The following PPM1L variants were observed in gnomAD, a reference collection of about 807,000 sequenced individuals.
PPM1L encodes protein phosphatase, Mg2+/Mn2+ dependent 1L.
A neutral mutation model predicts 31.4 loss-of-function variants in PPM1L; 13 were observed. That is an observed-to-expected ratio of 0.41 (90% CI 0.27 to 0.66). PPM1L has a LOEUF of 0.66. Among genes scored for constraint, PPM1L ranks in the 30% least tolerant of loss-of-function variants. PPM1L has a pLI of 0.29. For synonymous variants in PPM1L, 184 were observed against 175.4 expected, an observed-to-expected ratio of 1.05 and a Z score of -0.39; for missense variants, 326 against 453.7, an observed-to-expected ratio of 0.72 and a Z score of 2.56.
chr3:161,026,772 C>A (rs902233615), intron 2 of PPM1L, among the ~76,000 whole-genome samples: 1 of 151,852 alleles, frequency 6.6e-6, no homozygotes, highest in Non-Finnish European at 1.5e-5. Context: ...ATGTACTTGC[C>A]AAACTGGTTT....
intron 1 of PPM1L, among the ~76,000 whole-genome samples, chr3:160,903,676 G>T (rs1391971450): frequency 6.6e-6 from 1 of 151,722 alleles, no homozygotes; most frequent in Non-Finnish European, 1.5e-5. Context: ...AACATCTCTT[G>T]AGGATCTACC....
At chr3:160,808,383 C>CTGTGTGTGTGTGTGTG (rs71912617) in intron 1 of PPM1L, among the ~76,000 whole-genome samples, 5 of 110,310 alleles carry the variant, frequency 4.5e-5, no homozygotes, top group South Asian at 3.2e-4. Flanking sequence ...CAGGATTTTC[C>CTGTGTGTGTGTGTGTG]TGTGTGTGTG....
intron 2 of PPM1L, among the ~76,000 whole-genome samples, chr3:161,011,376 A>C (rs1377557809): frequency 6.6e-6 from 1 of 152,144 alleles, no homozygotes; most frequent in Non-Finnish European, 1.5e-5. Context: ...ATTGGTCTAT[A>C]TCTCTCTTTT....
intron 1 of PPM1L, among the ~76,000 whole-genome samples, chr3:160,770,581 T>C (rs1401301662): frequency 6.6e-6 from 1 of 152,224 alleles, no homozygotes; most frequent in Non-Finnish European, 1.5e-5. Context: ...ACAAATACTG[T>C]AGTTTTTTCT....
chr3:160,869,485 T>C (rs1712222296), intron 1 of PPM1L, among the ~76,000 whole-genome samples: 1 of 152,150 alleles, frequency 6.6e-6, no homozygotes, highest in South Asian at 2.1e-4. Flanking sequence ...TATAACCTTA[T>C]GTTAGGCATA....
intron 1 of PPM1L, among the ~76,000 whole-genome samples, chr3:160,858,516 G>A (rs1246560569): frequency 6.6e-6 from 1 of 152,134 alleles, no homozygotes; most frequent in Non-Finnish European, 1.5e-5. Flanking sequence ...CAAAGCAAAA[G>A]TTATTCACTT....
At chr3:161,009,654 A>G (rs1325176391) in intron 2 of PPM1L, among the ~76,000 whole-genome samples, 2 of 152,186 alleles carry the variant, frequency 1.3e-5, no homozygotes, top group African/African-American at 4.8e-5. Context: ...CTGGCTACAA[A>G]TTACTCTTAA....
At chr3:160,791,490 T>C (rs1712103527) in intron 1 of PPM1L, among the ~76,000 whole-genome samples, 1 of 152,178 alleles carries the variant, frequency 6.6e-6, no homozygotes. Context: ...TGCATAATTT[T>C]CTTTAAATCT....
chr3:160,902,427 A>C (rs1039988184), intron 1 of PPM1L, among the ~76,000 whole-genome samples: 4 of 152,116 alleles, frequency 2.6e-5, no homozygotes, highest in Non-Finnish European at 5.9e-5. Context: ...ACTCTCACAG[A>C]AAATTCAGAG....
chr3:160,933,840 A>G (rs1576723627), intron 1 of PPM1L, among the ~76,000 whole-genome samples: 2 of 152,318 alleles, frequency 1.3e-5, no homozygotes, highest in South Asian at 2.1e-4. Flanking sequence ...ATTTTGATAC[A>G]TAGCTTTGTA....
rs189738232 is a variant in PPM1L at position 161,039,888 on chromosome 3, C to T, written c.575-25515C>T. 1.5e-4 allele frequency among the ~76,000 whole-genome samples: 23 copies of T among 152,290 alleles called. No homozygotes were observed. The East Asian group carries it at 3.7e-3, about 24-fold the overall frequency. Reference sequence around the variant, plus strand: ...ATTTAGATAGAAAGCATTGAAAGAACCTGCTTCCCATCTGCTGATCAAACT... The same window carrying T: ...ATTTAGATAGAAAGCATTGAAAGAATCTGCTTCCCATCTGCTGATCAAACT... On this transcript the variant is annotated intron_variant, in intron 2 of 3. Coordinates refer to ENST00000498165, the MANE Select transcript of PPM1L (RefSeq NM_139245.4).
chr3:160,812,456 C>A (rs544716797), intron 1 of PPM1L, among the ~76,000 whole-genome samples: 101 of 152,120 alleles, frequency 6.6e-4, no homozygotes, highest in Non-Finnish European at 7.4e-4. Flanking sequence ...GGGCTGAGAA[C>A]GTCTAGGTAC....
chr3:161,025,194 A>G (rs111300725), intron 2 of PPM1L, among the ~76,000 whole-genome samples: 3,810 of 152,244 alleles, frequency 0.025, 84 homozygotes, highest in South Asian at 0.044. Context: ...GTGTGACAGT[A>G]TCAAGAGGTG....
chr3:160,858,597 A>G (rs897750311), intron 1 of PPM1L, among the ~76,000 whole-genome samples: 3 of 152,148 alleles, frequency 2.0e-5, no homozygotes, highest in Non-Finnish European at 4.4e-5. Flanking sequence ...ATGGGACTAC[A>G]TTACCCTCAA....
intron 1 of PPM1L, among the ~76,000 whole-genome samples, chr3:160,936,010 G>T (rs76122566): frequency 0.029 from 4,460 of 152,292 alleles, 111 homozygotes; most frequent in South Asian, 0.12. Context: ...GGTCAAGGGT[G>T]TGGAAGAGCT....
intron 2 of PPM1L, among the ~76,000 whole-genome samples, chr3:160,973,856 T>A (rs1026546841): frequency 6.6e-6 from 1 of 150,626 alleles, no homozygotes; most frequent in South Asian, 2.1e-4. Flanking sequence ...GTTTTTCTTT[T>A]TTTTTCTAAT....
chr3:161,050,673 T>C (rs1340354537), intron 2 of PPM1L, among the ~76,000 whole-genome samples: 1 of 152,160 alleles, frequency 6.6e-6, no homozygotes, highest in Non-Finnish European at 1.5e-5. Context: ...CTCATGACAA[T>C]ATATATTCTT....
chr3:161,038,603 A>AAG (rs1465579322), intron 2 of PPM1L, among the ~76,000 whole-genome samples: 1 of 150,522 alleles, frequency 6.6e-6, no homozygotes, highest in Non-Finnish European at 1.5e-5. Context: ...AAAAAAAAAA[A>AAG]AAAAAAAAAG....
chr3:161,045,037 A>G (rs1719018092), intron 2 of PPM1L, among the ~76,000 whole-genome samples: 1 of 152,210 alleles, frequency 6.6e-6, no homozygotes, highest in South Asian at 2.1e-4. Context: ...GCCATTACAT[A>G]ATGGTAAAGG....
Sources: gnomAD v4.1 joint callset for allele counts (sites outside exome capture counted in the v4.1 genomes callset) on GRCh38, gnomAD v4.1.1 for gene constraint, MANE v1.5 for transcripts, NCBI Gene and HGNC (gene_info 2026-07-23, HGNC 2026-07-21) for gene names.